The following NRXN3 variants were observed in gnomAD, a reference collection of about 807,000 sequenced individuals.
The protein encoded by NRXN3 is neurexin III.
In NRXN3, 32 loss-of-function variants were observed where a neutral mutation model predicts 137.6. The observed-to-expected ratio is 0.23, with a 90% CI of 0.18 to 0.31. NRXN3 has a LOEUF of 0.31. Ranked by LOEUF, NRXN3 falls within the 10% of genes least tolerant of loss-of-function variation. NRXN3 has a pLI of 1.00. For missense variants in NRXN3, 1,574 were observed against 2,062.5 expected, an observed-to-expected ratio of 0.76 and a Z score of 4.59; for synonymous variants, 798 against 784.5, an observed-to-expected ratio of 1.02 and a Z score of -0.29.
chr14:78,873,423 T>G (rs2099106069), intron 10 of NRXN3, among the ~76,000 whole-genome samples: 1 of 152,220 alleles, frequency 6.6e-6, no homozygotes, highest in Admixed American at 6.5e-5. Flanking sequence ...GAAGATTGAA[T>G]GTACAGTATG....
At chr14:79,317,076 C>G (rs1279986196) in intron 15 of NRXN3, among the ~76,000 whole-genome samples, 1 of 151,812 alleles carries the variant, frequency 6.6e-6, no homozygotes, top group Non-Finnish European at 1.5e-5. Flanking sequence ...ACTAAAAGTA[C>G]AAAAAATTAG....
At chr14:79,205,456 C>A (rs185653552) in intron 15 of NRXN3, among the ~76,000 whole-genome samples, 6 of 152,194 alleles carry the variant, frequency 3.9e-5, no homozygotes, top group Admixed American at 6.5e-5. Flanking sequence ...TGAACTGCTG[C>A]CTAAAAAGTT....
chr14:78,688,478 A>G (rs2098141670), intron 6 of NRXN3, among the ~76,000 whole-genome samples: 1 of 152,186 alleles, frequency 6.6e-6, no homozygotes, highest in Admixed American at 6.5e-5. Context: ...CTGGTTTGGT[A>G]TAAAGAAGAG....
intron 15 of NRXN3, among the ~76,000 whole-genome samples, chr14:79,452,175 T>C (rs992167428): frequency 2.0e-5 from 3 of 151,940 alleles, no homozygotes; most frequent in Non-Finnish European, 4.4e-5. Flanking sequence ...ACATGGGGTA[T>C]GCCAAAATCT....
chr14:79,652,405 T>TG (rs139454959), intron 16 of NRXN3, among the ~76,000 whole-genome samples: 12,109 of 152,052 alleles, frequency 0.08, 1,623 homozygotes, highest in African/African-American at 0.28. Flanking sequence ...CATGGATAAT[T>TG]TGTGTATCTG....
At chr14:78,951,887 G>T (rs542003226) in intron 10 of NRXN3, among the ~76,000 whole-genome samples, 1 of 152,146 alleles carries the variant, frequency 6.6e-6, no homozygotes, top group Non-Finnish European at 1.5e-5. Context: ...GATGAGGCAC[G>T]GAGAAAGAGG....
chr14:79,467,499 A>C, intron 16 of NRXN3, 97 bp downstream of exon 16: 1 of 1,081,816 alleles, frequency 9.2e-7, no homozygotes. Flanking sequence ...TCAATATGGC[A>C]AAGGTGCACA....
chr14:79,542,262 G>A (rs1247630318), intron 16 of NRXN3, among the ~76,000 whole-genome samples: 2 of 152,146 alleles, frequency 1.3e-5, no homozygotes, highest in Non-Finnish European at 2.9e-5. Flanking sequence ...GATGTCACAG[G>A]CTGCTCTTTT....
intron 4 of NRXN3, among the ~76,000 whole-genome samples, chr14:78,341,887 CAG>C (rs1396766113): frequency 6.6e-6 from 1 of 152,162 alleles, no homozygotes; most frequent in Admixed American, 6.5e-5. Context: ...CTTGAGGGGA[CAG>C]AGAACCCCAG....
chr14:79,347,104 C>T (rs1332807212), intron 15 of NRXN3, among the ~76,000 whole-genome samples: 3 of 152,016 alleles, frequency 2.0e-5, no homozygotes, highest in African/African-American at 7.3e-5. Flanking sequence ...GCAAGGGGAG[C>T]GTGGCCATGC....
At chr14:78,456,810 T>TTTCTTTCC (rs2094725378) in intron 4 of NRXN3, among the ~76,000 whole-genome samples, 1 of 114,474 alleles carries the variant, frequency 8.7e-6, no homozygotes, top group African/African-American at 2.9e-5. Flanking sequence ...TCTTTCTTTC[T>TTTCTTTCC]TTCTTTCTTT....
intron 9 of NRXN3, among the ~76,000 whole-genome samples, chr14:78,804,513 ATTG>A (rs1235445570): frequency 3.9e-5 from 6 of 152,170 alleles, no homozygotes; most frequent in African/African-American, 1.4e-4. Context: ...TTGTGCAAAG[ATTG>A]TTACCTTGTA....
intron 15 of NRXN3, among the ~76,000 whole-genome samples, chr14:79,119,652 C>T (rs1412829218): frequency 2.6e-5 from 4 of 152,154 alleles, no homozygotes; most frequent in African/African-American, 9.7e-5. Context: ...ACTAATGTGT[C>T]ATCCTAGAAT....
intron 16 of NRXN3, among the ~76,000 whole-genome samples, chr14:79,641,573 G>A (rs2098434419): frequency 7.4e-6 from 1 of 135,138 alleles, no homozygotes; most frequent in African/African-American, 2.5e-5. Flanking sequence ...GCTCTCCTTT[G>A]GACTGCAGGT....
rs544832936 is a variant in NRXN3, at chr14:78,528,634, A to C, written c.758-116486A>C. 4.1e-4 allele frequency among the ~76,000 whole-genome samples: 62 copies of C among 152,254 alleles called. No individual in the cohort carries two copies. In the Middle Eastern group the frequency reaches 0.02, roughly 50 times the overall value. The stretch of plus-strand genomic sequence containing the variant: ...AGATTCAGGATAAAGGTAGTGAAAA[A>C]ATTGCCCATGGAATTGGTTTGAACT... On this transcript the variant is annotated intron_variant, in intron 4 of 20. Transcript: ENST00000335750.
intron 4 of NRXN3, among the ~76,000 whole-genome samples, chr14:78,300,489 G>A (rs923513574): frequency 2.0e-5 from 3 of 152,194 alleles, no homozygotes; most frequent in Admixed American, 6.5e-5. Context: ...TTTGTTTTGC[G>A]CTGCCTCCTT....
At chr14:79,294,757 T>C (rs944948761) in intron 15 of NRXN3, among the ~76,000 whole-genome samples, 1 of 152,172 alleles carries the variant, frequency 6.6e-6, no homozygotes, top group Admixed American at 6.5e-5. Context: ...TACTTTATTA[T>C]TGAGTACTTA....
rs190698318 is a variant in NRXN3 at position 79,511,738 on chromosome 14, C to A, written c.3444+44336C>A. Among the ~76,000 whole-genome samples the A allele has an allele frequency of 5.7e-3, 866 of 152,228 alleles. 30 individuals carry two copies. Among genetic ancestry groups the A allele is most frequent in the Admixed American group, 0.05 (759 of 15,284 alleles). ...ACTATGGTTTGTGCCTGCTCCAAAT[C>A]CTATGTTTTCTCTGATTTCAGACCC... On this transcript the variant is annotated intron_variant, in intron 16 of 20. Transcript: ENST00000335750.
intron 15 of NRXN3, among the ~76,000 whole-genome samples, chr14:78,992,702 A>G (rs2099521362): frequency 2.0e-5 from 3 of 152,202 alleles, no homozygotes; most frequent in African/African-American, 4.8e-5. Context: ...TTGTGAAAAT[A>G]GCAGTTTTAA....
Sources: gnomAD v4.1 joint callset for allele counts (sites outside exome capture counted in the v4.1 genomes callset) on GRCh38, gnomAD v4.1.1 for gene constraint, MANE v1.5 for transcripts, NCBI Gene and HGNC (gene_info 2026-07-23, HGNC 2026-07-21) for gene names.